OR4N2: variants seen among roughly 807,000 people sequenced by gnomAD.
The protein encoded by OR4N2 is olfactory receptor 4N2.
For missense variants in OR4N2, 307 were observed against 377.6 expected (o/e 0.81, Z 1.55); for synonymous variants, 141 against 140.4 (o/e 1.00, Z -0.03).
intron 1 of OR4N2, among the ~76,000 whole-genome samples, chr14:19,807,174 A>C (rs1023430510): frequency 9.3e-5 from 14 of 151,144 alleles, no homozygotes; most frequent in African/African-American, 3.4e-4. Flanking sequence ...TTTGCACCTA[A>C]AGGAACTAGA....
At chr14:19,811,656 A>G (rs1879300134) in intron 1 of OR4N2, among the ~76,000 whole-genome samples, 1 of 152,290 alleles carries the variant, frequency 6.6e-6, no homozygotes, top group African/African-American at 2.4e-5. Flanking sequence ...ACATTTGAAA[A>G]TCAATCAAGT....
intron 1 of OR4N2, among the ~76,000 whole-genome samples, chr14:19,819,372 A>G (rs1408401048): frequency 6.6e-5 from 10 of 151,966 alleles, no homozygotes; most frequent in Non-Finnish European, 2.9e-5. Context: ...TTCTTGGAGG[A>G]TTTGTTCGTT....
At chr14:19,805,234 T>A (rs1879134367) in intron 1 of OR4N2, among the ~76,000 whole-genome samples, 1 of 152,268 alleles carries the variant, frequency 6.6e-6, no homozygotes, top group South Asian at 2.1e-4. Context: ...TTCCCAGCAA[T>A]GATTCCTTAC....
At chr14:19,819,795 T>C (rs1467790423) in intron 1 of OR4N2, among the ~76,000 whole-genome samples, 1 of 152,274 alleles carries the variant, frequency 6.6e-6, no homozygotes, top group Non-Finnish European at 1.5e-5. Context: ...GCCTTTTTGC[T>C]CTGGTTTTTC....
At chr14:19,822,607 T>C (rs1009206627) in intron 1 of OR4N2, among the ~76,000 whole-genome samples, 1 of 152,252 alleles carries the variant, frequency 6.6e-6, no homozygotes, top group African/African-American at 2.4e-5. Context: ...CTTCTCTCTA[T>C]TAACTTTTCA....
rs545709703 is a variant in OR4N2, at chr14:19,819,617, C to A, written c.-9-7823C>A. 2.3e-4 allele frequency among the ~76,000 whole-genome samples: 35 copies of A among 152,356 alleles called. No individual in the cohort carries two copies. The East Asian group carries it at 5.8e-3, about 25-fold the overall frequency. On this transcript the variant is annotated intron_variant, in intron 1 of 1. Coordinates refer to ENST00000557677, the MANE Select transcript of OR4N2 (RefSeq NM_001004723.3). ...TTTTTCAAGGTTCTTAGCTTCCTTGCATTGGGTTAGAACATGCTCCTTTAG... is the reference window on the plus strand; with the variant it reads ...TTTTTCAAGGTTCTTAGCTTCCTTGAATTGGGTTAGAACATGCTCCTTTAG...
chr14:19,824,743 C>G (rs1224978233), intron 1 of OR4N2, among the ~76,000 whole-genome samples: 5 of 152,344 alleles, frequency 3.3e-5, no homozygotes, highest in African/African-American at 1.2e-4. Flanking sequence ...TTTATATCTT[C>G]CTTTCCTTAT....
At chr14:19,820,453 T>G (rs1745067369) in intron 1 of OR4N2, among the ~76,000 whole-genome samples, 1 of 152,256 alleles carries the variant, frequency 6.6e-6, no homozygotes, top group Non-Finnish European at 1.5e-5. Flanking sequence ...AACACTGCAT[T>G]AGCTGTGTGG....
At chr14:19,812,815 T>C (rs1879335438) in intron 1 of OR4N2, among the ~76,000 whole-genome samples, 2 of 152,254 alleles carry the variant, frequency 1.3e-5, no homozygotes, top group Non-Finnish European at 2.9e-5. Context: ...TATCTGTTCA[T>C]ATAAAAAGTG....
chr14:19,825,526 C>T (rs28689147), intron 1 of OR4N2, among the ~76,000 whole-genome samples: 32,406 of 138,184 alleles, frequency 0.23, 1,722 homozygotes, highest in African/African-American at 0.27. Context: ...TGCTAGAGCA[C>T]TTATTTATTT....
chr14:19,828,401 AAT>A lies in OR4N2; in HGVS notation c.*31_*32del. On this transcript the variant is annotated 3_prime_UTR_variant, in exon 2 of 2. Coordinates refer to ENST00000557677, the MANE Select transcript of OR4N2 (RefSeq NM_001004723.3). ...AGGGCGCAAAAAAAAAAAGAATAAAAATAGACTGTAGAATTTTATCTGAAATT... is the reference window on the plus strand; with the variant it reads ...AGGGCGCAAAAAAAAAAAGAATAAAAAGACTGTAGAATTTTATCTGAAATT... 1 of 1,526,166 alleles carries A rather than the reference AAT, an allele frequency of 6.6e-7. No individual in the cohort carries two copies. The highest frequency in any genetic ancestry group is 8.9e-7 in the Non-Finnish European group (1 of 1,128,310). 94.5% of individuals were successfully genotyped at this position (1,526,166 alleles called of 1,614,324 possible). A position where few individuals can be genotyped will look rare whatever the true frequency, so the allele number is the denominator to read the frequency against.
chr14:19,807,054 G>A (rs199660501), intron 1 of OR4N2, among the ~76,000 whole-genome samples: 2 of 151,760 alleles, frequency 1.3e-5, no homozygotes, highest in Non-Finnish European at 2.9e-5. Flanking sequence ...TGAAGCTAAA[G>A]CAGGAAATAA....
intron 1 of OR4N2, 137 bp from the exon 2 acceptor site, chr14:19,827,303 C>T (rs1879722757): frequency 5.5e-6 from 4 of 733,108 alleles, no homozygotes; most frequent in Non-Finnish European, 8.7e-6. Flanking sequence ...ATGGAGTTTC[C>T]CCAGAATAGG....
At chr14:19,813,218 C>T (rs1772286235) in intron 1 of OR4N2, among the ~76,000 whole-genome samples, 1 of 152,230 alleles carries the variant, frequency 6.6e-6, no homozygotes, top group African/African-American at 2.4e-5. Context: ...CACTTAAGAA[C>T]GTATCTAACC....
At chr14:19,820,355 T>C (rs1879534252) in intron 1 of OR4N2, among the ~76,000 whole-genome samples, 1 of 152,288 alleles carries the variant, frequency 6.6e-6, no homozygotes, top group African/African-American at 2.4e-5. Context: ...CTTAATTCTC[T>C]AGTTCTTTTC....
chr14:19,807,656 T>TAAA (rs139844666), intron 1 of OR4N2, among the ~76,000 whole-genome samples: 1 of 151,642 alleles, frequency 6.6e-6, no homozygotes, highest in African/African-American at 2.4e-5. Context: ...TACCAGATTT[T>TAAA]AAAAAAAAGA....
chr14:19,808,366 T>G (rs1879216608), intron 1 of OR4N2, among the ~76,000 whole-genome samples: 1 of 152,184 alleles, frequency 6.6e-6, no homozygotes, highest in African/African-American at 2.4e-5. Context: ...CTAGAACTGA[T>G]ATACAGTTTT....
intron 1 of OR4N2, among the ~76,000 whole-genome samples, chr14:19,821,107 GA>G (rs2138476416): frequency 6.6e-6 from 1 of 152,398 alleles, no homozygotes; most frequent in South Asian, 2.1e-4. Flanking sequence ...AAAACCATGG[GA>G]AAAGCCTAGT....
intron 1 of OR4N2, among the ~76,000 whole-genome samples, chr14:19,809,437 C>T (rs1364656581): frequency 6.6e-6 from 1 of 152,138 alleles, no homozygotes; most frequent in Admixed American, 6.5e-5. Context: ...AGAAAATATT[C>T]ACAAGCTATG....
Sources: gnomAD v4.1 joint callset for allele counts (sites outside exome capture counted in the v4.1 genomes callset) on GRCh38, gnomAD v4.1.1 for gene constraint, MANE v1.5 for transcripts, NCBI Gene and HGNC (gene_info 2026-07-23, HGNC 2026-07-21) for gene names.